Variants in MECOM observed in about 807,000 individuals in gnomAD.
MECOM encodes MDS1 and EVI1 complex locus.
Under a neutral mutation model 116.3 loss-of-function variants are expected in MECOM, and 13 were observed. That is an observed-to-expected ratio of 0.11 (90% CI 0.07 to 0.18). The LOEUF (loss-of-function observed/expected upper bound fraction) is 0.18, where lower values mean the gene tolerates loss of function less well. Among genes scored for constraint, MECOM ranks in the 10% least tolerant of loss-of-function variants. The probability of loss-of-function intolerance (pLI) is 1.00; values close to 1 mark genes in which losing one functional copy is unlikely to be tolerated. For missense variants in MECOM, 1,299 were observed against 1,509.0 expected, an observed-to-expected ratio of 0.86 and a Z score of 2.31; for synonymous variants, 528 against 535.2, an observed-to-expected ratio of 0.99 and a Z score of 0.19.
intron 1 of MECOM, among the ~76,000 whole-genome samples, chr3:169,663,078 C>T (rs1472081834): frequency 1.3e-5 from 2 of 150,314 alleles, no homozygotes; most frequent in African/African-American, 2.5e-5. Context: ...CCACCCCCAC[C>T]CCGGGGTTGC....
intron 1 of MECOM, among the ~76,000 whole-genome samples, chr3:169,462,147 G>C (rs1241364545): frequency 5.3e-5 from 8 of 152,120 alleles, no homozygotes; most frequent in African/African-American, 1.9e-4. Flanking sequence ...GATCCAGTGA[G>C]AGACAAATTC....
intron 1 of MECOM, chr3:169,463,992 T>C (rs982851187): frequency 3.3e-5 from 5 of 152,166 alleles, no homozygotes; most frequent in African/African-American, 1.2e-4. Flanking sequence ...CTGCGAAGTT[T>C]CTGCAAAGCT....
intron 2 of MECOM, among the ~76,000 whole-genome samples, chr3:169,305,209 C>T (rs1047285267): frequency 6.6e-6 from 1 of 152,150 alleles, no homozygotes; most frequent in Non-Finnish European, 1.5e-5. Flanking sequence ...GAAGGAGCTA[C>T]TTAATTCATA....
At chr3:169,139,561 G>A (rs774144592) in intron 3 of MECOM, among the ~76,000 whole-genome samples, 2 of 152,068 alleles carry the variant, frequency 1.3e-5, no homozygotes, top group Non-Finnish European at 2.9e-5. Context: ...GGAAAGGCAG[G>A]TCTCATTTAA....
intron 2 of MECOM, among the ~76,000 whole-genome samples, chr3:169,318,616 C>T (rs371203134): frequency 1.5e-4 from 23 of 152,174 alleles, no homozygotes; most frequent in African/African-American, 4.6e-4. Context: ...AGTCAGGAAA[C>T]GACAGATGCT....
chr3:169,143,178 A>G (rs1738655563), intron 3 of MECOM, among the ~76,000 whole-genome samples: 1 of 152,052 alleles, frequency 6.6e-6, no homozygotes, highest in South Asian at 2.1e-4. Flanking sequence ...AACATATACC[A>G]AAAAAAGTAT....
intron 16 of MECOM, among the ~76,000 whole-genome samples, chr3:169,088,791 G>T (rs1295683912): frequency 1.3e-5 from 2 of 152,082 alleles, no homozygotes; most frequent in African/African-American, 4.8e-5. Flanking sequence ...TTTCTATACA[G>T]AATGCAGCTA....
chr3:169,340,876 A>G (rs764271222), intron 2 of MECOM, among the ~76,000 whole-genome samples: 9 of 152,204 alleles, frequency 5.9e-5, no homozygotes, highest in Non-Finnish European at 1.2e-4. Flanking sequence ...AAGTTGGACA[A>G]GAATATATTT....
At chr3:169,210,852 C>G (rs1750632858) in intron 2 of MECOM, among the ~76,000 whole-genome samples, 1 of 152,060 alleles carries the variant, frequency 6.6e-6, no homozygotes, top group Non-Finnish European at 1.5e-5. Flanking sequence ...GTTTCCCTGT[C>G]CTAGAATTTC....
At chr3:169,380,927 A>G (rs1404716856) in intron 2 of MECOM, among the ~76,000 whole-genome samples, 1 of 152,134 alleles carries the variant, frequency 6.6e-6, no homozygotes, top group Non-Finnish European at 1.5e-5. Flanking sequence ...CTATAAAATC[A>G]TATCTTCTTC....
intron 1 of MECOM, among the ~76,000 whole-genome samples, chr3:169,662,493 A>G (rs1008218684): frequency 1.4e-3 from 219 of 151,160 alleles, no homozygotes; most frequent in Non-Finnish European, 4.6e-4. Flanking sequence ...TTCTCTCCCC[A>G]CGTCCGAGCG....
In MECOM at chr3:169,207,132, T is replaced by C. The variant is rs192305751; in HGVS notation, c.376-63300A>G. 1.0e-3 allele frequency among the ~76,000 whole-genome samples: 143 copies of C among 142,750 alleles called. 1 individual carries two copies. The highest frequency in any genetic ancestry group is 3.4e-3 in the Middle Eastern group (1 of 292). The allele number at this position is 142,750 out of a possible 152,430, so 93.6% of individuals were successfully genotyped here. A position where few individuals can be genotyped will look rare whatever the true frequency, so the allele number is the denominator to read the frequency against. The stretch of plus-strand genomic sequence containing the variant: ...ACTTCATGGTAATGTGCTTTCATCA[T>C]TGAGGAAGAAAGGTGTTCCTAAAAT... On this transcript the variant is annotated intron_variant, in intron 2 of 16. Coordinates refer to ENST00000651503, the MANE Select transcript of MECOM (RefSeq NM_004991.4).
At chr3:169,631,910 T>G (rs937375390) in intron 1 of MECOM, among the ~76,000 whole-genome samples, 4 of 152,110 alleles carry the variant, frequency 2.6e-5, no homozygotes, top group Non-Finnish European at 5.9e-5. Context: ...GCTAGTGACA[T>G]GGAACTACAA....
Position 169,107,933 on chromosome 3 carries a change from C to T in MECOM, c.2597G>A (p.Arg866Lys). ...TATAAGTAGGAAACTTACCCAAGTT[C>T]TCTGATCAGGCAGTTGGAACTGGGA... is the stretch of plus-strand genomic sequence containing the variant. ...FHPQFQLPDQ[R>K]TWMSAIENMA... The change falls in exon 10 of 17, where the codon AGA (arginine) becomes AAA (lysine). Residue 866 changes from arginine (R) to lysine (K), a missense_variant. Around this residue, in one of 6 missense-constraint regions of MECOM, gnomAD observed 340 missense variants for 312.6 expected, o/e 1.09. Transcript: ENST00000651503. 1 of 1,612,524 alleles carries T rather than the reference C, an allele frequency of 6.2e-7. No individual in the cohort carries two copies.
At chr3:169,493,097 T>G (rs1232955033) in intron 1 of MECOM, among the ~76,000 whole-genome samples, 1 of 152,222 alleles carries the variant, frequency 6.6e-6, no homozygotes, top group Admixed American at 6.5e-5. Flanking sequence ...TTAGCTAATA[T>G]GTCTTTTAGT....
In MECOM at chr3:169,095,158, C is replaced by T. The variant is rs201205882; in HGVS notation, c.2937G>A (p.Lys979=). Residue 979 remains lysine (K), a synonymous_variant, in exon 13 of 17, where the codon AAG becomes AAA. Coordinates refer to ENST00000651503, the MANE Select transcript of MECOM (RefSeq NM_004991.4). ...RNIHNKEKPF[K]CHLCDRCFGQ... Reference sequence around the variant, plus strand: ...CAAAACACCTATCACATAAGTGACACTTAAATGGCTTCTCTTTATTGTGGA... The same window carrying T: ...CAAAACACCTATCACATAAGTGACATTTAAATGGCTTCTCTTTATTGTGGA... The T allele has an allele frequency of 1.2e-6, 2 of 1,613,652 alleles. No individual in the cohort carries two copies. The highest frequency in any genetic ancestry group is 2.7e-5 in the African/African-American group (2 of 75,024).
chr3:169,461,362 C>G (rs1747409652), intron 1 of MECOM, among the ~76,000 whole-genome samples: 1 of 152,116 alleles, frequency 6.6e-6, no homozygotes, highest in African/African-American at 2.4e-5. Flanking sequence ...AAGTTGTCAA[C>G]AAACACCAGG....
chr3:169,555,054 A>G (rs2109328723), intron 1 of MECOM, among the ~76,000 whole-genome samples: 1 of 152,234 alleles, frequency 6.6e-6, no homozygotes, highest in East Asian at 1.9e-4. Context: ...CAGAAGAGGT[A>G]TGATGATTTT....
intron 1 of MECOM, among the ~76,000 whole-genome samples, chr3:169,610,527 G>GTATATATA (rs1553898653): frequency 6.6e-6 from 1 of 150,974 alleles, no homozygotes; most frequent in Non-Finnish European, 1.5e-5. Context: ...GTGTGTGTGT[G>GTATATATA]TATAATATCC....
Sources: gnomAD v4.1 joint callset for allele counts (sites outside exome capture counted in the v4.1 genomes callset) on GRCh38, gnomAD v4.1.1 for gene constraint, gnomAD v4.1.1 regional missense constraint, MANE v1.5 for transcripts, NCBI Gene and HGNC (gene_info 2026-07-23, HGNC 2026-07-21) for gene names.